RBFOX2: variants seen among roughly 807,000 people sequenced by gnomAD.
RBFOX2 encodes the protein RNA binding protein fox-1 homolog 2.
In RBFOX2, 10 loss-of-function variants were observed where a neutral mutation model predicts 49.1. That is an observed-to-expected ratio of 0.20 (90% CI 0.13 to 0.35). RBFOX2 has a LOEUF of 0.35. Among genes scored for constraint, RBFOX2 ranks in the 10% least tolerant of loss-of-function variants. RBFOX2 has a pLI of 1.00. For missense variants in RBFOX2, 323 were observed against 486.9 expected (o/e 0.66, Z 3.17); for synonymous variants, 183 against 187.4 (o/e 0.98, Z 0.19).
At chr22:35,828,284 A>T (rs2092786) in intron 1 of RBFOX2, among the ~76,000 whole-genome samples, 34,450 of 152,106 alleles carry the variant, frequency 0.23, 5,983 homozygotes, top group African/African-American at 0.49. Flanking sequence ...CAGAGATTCC[A>T]GAGTCAGGAA....
chr22:35,948,864 T>C (rs1422093354), intron 1 of RBFOX2, among the ~76,000 whole-genome samples: 1 of 152,198 alleles, frequency 6.6e-6, no homozygotes, highest in Non-Finnish European at 1.5e-5. Context: ...TATACACTTC[T>C]ATAGCATTAA....
At position 35,865,581 on chromosome 22, in the gene RBFOX2, GTGATAGAAGAGGGATTCACTT is replaced by G. The variant is rs765385774; in HGVS notation, c.-33-55598_-33-55578del. ...TCTTTATTATTATTTTTTTTTGATG[GTGATAGAAGAGGGATTCACTT>G]TGATAGAAGAGGGATTCACTTAGTG... On this transcript the variant is annotated intron_variant, in intron 1 of 13. Transcript: ENST00000359369. Among the ~76,000 whole-genome samples the G allele has an allele frequency of 4.4e-3, 674 of 151,878 alleles. 3 individuals carry two copies. The highest frequency in any genetic ancestry group is 0.014 in the African/African-American group (588 of 41,422).
intron 1 of RBFOX2, among the ~76,000 whole-genome samples, chr22:35,846,416 A>G (rs901914649): frequency 7.3e-5 from 11 of 149,970 alleles, no homozygotes; most frequent in Non-Finnish European, 1.2e-4. Flanking sequence ...TGGAGAGCCT[A>G]ATATACTCTA....
chr22:35,893,728 C>A (rs1054204049), intron 1 of RBFOX2, among the ~76,000 whole-genome samples: 18 of 152,222 alleles, frequency 1.2e-4, no homozygotes, highest in Admixed American at 1.2e-3. Flanking sequence ...TACACACATA[C>A]ATATACATCT....
At chr22:35,992,225 G>T (rs62232607) in intron 1 of RBFOX2, 2 of 151,994 alleles carry the variant, frequency 1.3e-5, no homozygotes, top group Non-Finnish European at 2.9e-5. Context: ...CAGAGGGAAC[G>T]CAAAGAAATA....
At chr22:35,858,713 C>T (rs189063252) in intron 1 of RBFOX2, among the ~76,000 whole-genome samples, 38 of 151,230 alleles carry the variant, frequency 2.5e-4, no homozygotes, top group African/African-American at 8.7e-4. Context: ...GTAATCCTGG[C>T]TACTCAGGAG....
intron 1 of RBFOX2, among the ~76,000 whole-genome samples, chr22:35,957,737 A>G (rs2055742082): frequency 1.3e-5 from 2 of 152,236 alleles, no homozygotes; most frequent in African/African-American, 4.8e-5. Context: ...TCCAACCGTA[A>G]CTTAGAAATC....
At chr22:35,959,342 G>A (rs575285089) in intron 1 of RBFOX2, among the ~76,000 whole-genome samples, 11 of 152,160 alleles carry the variant, frequency 7.2e-5, no homozygotes, top group Non-Finnish European at 1.0e-4. Flanking sequence ...ATGTTACGCA[G>A]CAGTTTAGTC....
In RBFOX2 at chr22:35,759,899, G is replaced by A. The variant is rs750251296; in HGVS notation, c.876C>T (p.Pro292=). 19 of 1,613,526 alleles carry A rather than the reference G, an allele frequency of 1.2e-5. No individual in the cohort carries two copies. The highest frequency in any genetic ancestry group is 3.3e-5 in the Admixed American group (2 of 59,994). ...AATCTAACGCTTACCCTGGATAGGC[G>A]GGGATGGCTGTTGGAGGTACCGCTC... Residue 292 remains proline (P), a synonymous_variant, in exon 9 of 12, where the codon CCC becomes CCT. Transcript: ENST00000405409. This position sits in a 1 kb window ranked among gnomAD's most constrained non-coding sequence, Gnocchi z 4.6.
exon 12 of RBFOX2, chr22:35,743,680 C>T (rs887344348): frequency 6.6e-6 from 1 of 152,644 alleles, no homozygotes; most frequent in Admixed American, 6.5e-5. Flanking sequence ...ATTCCAGCCA[C>T]AGCCAACCAG....
intron 8 of RBFOX2, 85 bp downstream of exon 9, chr22:35,761,117 T>C: frequency 8.6e-7 from 1 of 1,167,534 alleles, no homozygotes; most frequent in East Asian, 2.4e-5. Flanking sequence ...TTCAGTTATG[T>C]ACTGTACTAG....
intron 1 of RBFOX2, among the ~76,000 whole-genome samples, chr22:35,936,279 A>G (rs1247882149): frequency 6.6e-6 from 1 of 151,666 alleles, no homozygotes; most frequent in African/African-American, 2.4e-5. Context: ...CAAAAGCACA[A>G]TTAAAATTCA....
intron 1 of RBFOX2, among the ~76,000 whole-genome samples, chr22:35,887,441 A>G (rs2046720220): frequency 6.6e-6 from 1 of 152,060 alleles, no homozygotes; most frequent in Admixed American, 6.6e-5. Flanking sequence ...CTCTTCTGTG[A>G]TATTCTCTTT....
At position 35,750,518 on chromosome 22, in the gene RBFOX2, T is replaced by C; in HGVS notation, c.888-3957A>G. ...TTAGCATGGCCACAGCACACCCTAATGTAGGAGGGCACACACGGACGGCTT... is the reference window on the plus strand; with the variant it reads ...TTAGCATGGCCACAGCACACCCTAACGTAGGAGGGCACACACGGACGGCTT... On this transcript the variant is annotated intron_variant, in intron 9 of 11. Coordinates refer to ENST00000405409, the Ensembl canonical transcript of RBFOX2. 5 of 1,304,206 alleles carry C rather than the reference T, an allele frequency of 3.8e-6. No homozygotes were observed. In the South Asian group the frequency reaches 4.9e-5, roughly 13 times the overall value. 80.8% of individuals were successfully genotyped at this position (1,304,206 alleles called of 1,614,324 possible).
intron 1 of RBFOX2, among the ~76,000 whole-genome samples, chr22:35,875,610 GTGTGTGTGT>G (rs1569441305): frequency 1.5e-3 from 23 of 14,842 alleles, no homozygotes; most frequent in South Asian, 8.7e-3. Context: ...TCACAAGGGT[GTGTGTGTGT>G]GTGTGTGTGT....
At chr22:36,028,255 A>G in exon 1 of RBFOX2, 2 of 1,529,200 alleles carry the variant, frequency 1.3e-6, no homozygotes, top group Non-Finnish European at 1.7e-6. Context: ...TCCCGCCGCC[A>G]CCGTCGGCCG....
At chr22:35,747,571 C>T (rs1402977899) in intron 9 of RBFOX2, 1 of 152,180 alleles carries the variant, frequency 6.6e-6, no homozygotes, top group Non-Finnish European at 1.5e-5. Context: ...TTTCAAGAGA[C>T]AATCACAACA....
At chr22:35,813,816 CT>C (rs1348745810) in intron 1 of RBFOX2, among the ~76,000 whole-genome samples, 1 of 152,188 alleles carries the variant, frequency 6.6e-6, no homozygotes, top group Non-Finnish European at 1.5e-5. Flanking sequence ...CAGCAAACTG[CT>C]TTGTTGGGCT....
At position 36,028,234 on chromosome 22, in the gene RBFOX2, G is replaced by T; in HGVS notation, c.186+6C>A. On this transcript the variant is annotated splice_donor_region_variant and intron_variant, in intron 1 of 13. Coordinates refer to the RBFOX2 transcript ENST00000438146. ...AATAACTGGGCGCCCCGTCCCGCGC[G>T]GTCACCTGCATCCCGCCGCCACCGT... 6.6e-7 allele frequency: 1 copy of T among 1,505,906 alleles called. No individual in the cohort carries two copies. The highest frequency in any genetic ancestry group is 8.8e-7 in the Non-Finnish European group (1 of 1,135,560). The allele number at this position is 1,505,906 out of a possible 1,614,324, so 93.3% of individuals were successfully genotyped here. A position where few individuals can be genotyped will look rare whatever the true frequency, so the allele number is the denominator to read the frequency against.
Sources: gnomAD v4.1 joint callset for allele counts (sites outside exome capture counted in the v4.1 genomes callset) on GRCh38, gnomAD v4.1.1 for gene constraint, Gnocchi (gnomAD v3.1) non-coding constraint, MANE v1.5 for transcripts, NCBI Gene and HGNC (gene_info 2026-07-23, HGNC 2026-07-21) for gene names.